The following LARGE1 variants were observed in gnomAD, a reference collection of about 807,000 sequenced individuals.
The protein encoded by LARGE1 is xylosyl- and glucuronyltransferase LARGE1.
Under a neutral mutation model 87.6 loss-of-function variants are expected in LARGE1, and 43 were observed. The observed-to-expected ratio is 0.49, with a 90% confidence interval of 0.38 to 0.63. The LOEUF is 0.63. Ranked by LOEUF, LARGE1 falls within the 30% of genes least tolerant of loss-of-function variation. The pLI, the probability that LARGE1 is intolerant of heterozygous loss-of-function variation, is 0.00. For synonymous variants in LARGE1, 434 were observed against 394.6 expected, an observed-to-expected ratio of 1.10 and a Z score of -1.18; for missense variants, 802 against 1,000.2, an observed-to-expected ratio of 0.80 and a Z score of 2.67.
intron 6 of LARGE1, among the ~76,000 whole-genome samples, chr22:33,553,516 AAAAAC>A (rs1315823049): frequency 1.3e-5 from 2 of 152,174 alleles, no homozygotes; most frequent in Admixed American, 6.5e-5. Flanking sequence ...ACCCTGTCAC[AAAAAC>A]AAAACAAAAC....
intron 11 of LARGE1, among the ~76,000 whole-genome samples, chr22:33,311,660 C>T (rs970456355): frequency 2.0e-5 from 3 of 152,208 alleles, no homozygotes; most frequent in African/African-American, 7.2e-5. Context: ...GGAAGTGGCA[C>T]AAGTGTACTT....
intron 11 of LARGE1, among the ~76,000 whole-genome samples, chr22:33,194,627 A>T (rs915657846): frequency 5.9e-5 from 9 of 152,186 alleles, no homozygotes; most frequent in African/African-American, 1.9e-4. Context: ...CTCTACTAAG[A>T]TTAAGGGTCA....
Position 33,670,934 on chromosome 22 carries a change from C to T in LARGE1, c.107-20266G>A, listed in dbSNP as rs531405929. The stretch of plus-strand genomic sequence containing the variant: ...CAAAATAGGTATTTCATTTTACCTA[C>T]GGGTGCTGTGAAAAAATTACTGAGA... On this transcript the variant is annotated intron_variant, in intron 2 of 14. Coordinates refer to ENST00000397394, the MANE Select transcript of LARGE1 (RefSeq NM_133642.5). Among the ~76,000 whole-genome samples the T allele has an allele frequency of 3.9e-5, 6 of 152,170 alleles. No individual in the cohort carries two copies. The South Asian group carries it at 1.0e-3, about 26-fold the overall frequency.
intron 12 of LARGE1, among the ~76,000 whole-genome samples, chr22:33,299,120 G>A (rs572119096): frequency 1.1e-4 from 16 of 152,212 alleles, no homozygotes; most frequent in East Asian, 1.9e-4. Context: ...ACTAAAGTGG[G>A]AGCATCGCTT....
At chr22:33,330,706 C>T (rs1937606648) in intron 10 of LARGE1, among the ~76,000 whole-genome samples, 1 of 152,184 alleles carries the variant, frequency 6.6e-6, no homozygotes, top group South Asian at 2.1e-4. Flanking sequence ...ACTGTCATTC[C>T]ATAGCACTGG....
chr22:33,699,302 G>A (rs2082339930), intron 2 of LARGE1, among the ~76,000 whole-genome samples: 1 of 152,218 alleles, frequency 6.6e-6, no homozygotes, highest in African/African-American at 2.4e-5. Context: ...TTCGCAGAAT[G>A]GGTGTCACAG....
intron 4 of LARGE1, among the ~76,000 whole-genome samples, chr22:33,625,765 C>T (rs2079901948): frequency 6.6e-6 from 1 of 151,992 alleles, no homozygotes; most frequent in African/African-American, 2.4e-5. Flanking sequence ...TTTTAAAGGA[C>T]ACCTGTCATA....
chr22:33,168,235 C>T (rs542057658), intron 11 of LARGE1, among the ~76,000 whole-genome samples: 1 of 152,340 alleles, frequency 6.6e-6, no homozygotes, highest in African/African-American at 2.4e-5. Flanking sequence ...GGTAGATTCA[C>T]CCATTCTTAC....
intron 6 of LARGE1, among the ~76,000 whole-genome samples, chr22:33,521,449 G>A (rs138913908): frequency 6.6e-6 from 1 of 152,206 alleles, no homozygotes; most frequent in Non-Finnish European, 1.5e-5. Context: ...AGGCTAGCCC[G>A]GGTTTGTTCA....
chr22:33,414,742 G>T (rs2066426938), intron 7 of LARGE1, among the ~76,000 whole-genome samples: 1 of 152,170 alleles, frequency 6.6e-6, no homozygotes, highest in Admixed American at 6.5e-5. Flanking sequence ...TTGGGGAGTT[G>T]GAGTCTTTGT....
chr22:33,114,884 C>A, the LARGE1 span, among the ~76,000 whole-genome samples: 2 of 152,154 alleles, frequency 1.3e-5, no homozygotes, highest in Non-Finnish European at 2.9e-5. Context: ...AACAGATGTT[C>A]TATGCAATGG....
chr22:33,866,816 T>C (rs2146640578), intron 1 of LARGE1, among the ~76,000 whole-genome samples: 1 of 152,242 alleles, frequency 6.6e-6, no homozygotes, highest in South Asian at 2.1e-4. Context: ...CCATTCACTT[T>C]TTTTTTCAAT....
At chr22:33,621,719 G>C (rs1441601682) in intron 4 of LARGE1, among the ~76,000 whole-genome samples, 1 of 152,140 alleles carries the variant, frequency 6.6e-6, no homozygotes, top group Non-Finnish European at 1.5e-5. Flanking sequence ...CTTTTGTCTT[G>C]TATCTCAACT....
intron 11 of LARGE1, among the ~76,000 whole-genome samples, chr22:33,188,555 T>C (rs1306342417): frequency 6.6e-6 from 1 of 152,182 alleles, no homozygotes; most frequent in Non-Finnish European, 1.5e-5. Context: ...AAAGAGTAGC[T>C]AAAGCAACAA....
intron 7 of LARGE1, among the ~76,000 whole-genome samples, chr22:33,403,808 T>G (rs2147345567): frequency 6.6e-6 from 1 of 152,264 alleles, no homozygotes; most frequent in African/African-American, 2.4e-5. Context: ...TTTGTCATGT[T>G]GGCCAGGCTT....
At chr22:33,266,756 C>T (rs1325451515) in intron 11 of LARGE1, among the ~76,000 whole-genome samples, 1 of 151,596 alleles carries the variant, frequency 6.6e-6, no homozygotes, top group African/African-American at 2.4e-5. Flanking sequence ...TCATATGAGG[C>T]CAACCAACAG....
rs1491397964 is a variant in LARGE1 at position 33,837,279 on chromosome 22, C to CACACACACACACAT, written c.-82-75722_-82-75721insATGTGTGTGTGTGT. ...ATATACACACACACACACACACACA[C>CACACACACACACAT]ACCTATACATACATACATATGTGTA... On this transcript the variant is annotated intron_variant, in intron 1 of 14. Transcript: ENST00000397394. Among the ~76,000 whole-genome samples the CACACACACACACAT allele has an allele frequency of 1.1e-3, 168 of 151,636 alleles. 1 individual carries two copies. Among genetic ancestry groups the CACACACACACACAT allele is most frequent in the African/African-American group, 3.8e-3 (155 of 41,110 alleles).
At chr22:33,698,082 T>G (rs2082304591) in intron 2 of LARGE1, among the ~76,000 whole-genome samples, 1 of 152,208 alleles carries the variant, frequency 6.6e-6, no homozygotes, top group South Asian at 2.1e-4. Flanking sequence ...TATTTTTTAT[T>G]TTTTAAGATG....
At chr22:33,868,369 T>G (rs1421028683) in intron 1 of LARGE1, among the ~76,000 whole-genome samples, 1 of 152,206 alleles carries the variant, frequency 6.6e-6, no homozygotes, top group Non-Finnish European at 1.5e-5. Context: ...TAAAAATGCC[T>G]GTCTTGAATA....
Sources: allele counts gnomAD v4.1 joint callset (sites outside exome capture counted in the v4.1 genomes callset), GRCh38; gene constraint gnomAD v4.1.1; transcripts MANE v1.5; gene names NCBI Gene and HGNC (gene_info 2026-07-23, HGNC 2026-07-21).